Variants in DCUN1D1 observed in about 807,000 individuals in gnomAD.
DCUN1D1 encodes defective in cullin neddylation 1 domain containing 1.
DCUN1D1 carries 3 observed loss-of-function variants against 39.0 expected under a neutral mutation model. The ratio of observed to expected loss-of-function variants is 0.08; its 90% CI spans 0.04 to 0.20. DCUN1D1 has a LOEUF of 0.20. Ranked by LOEUF, DCUN1D1 falls within the 10% of genes least tolerant of loss-of-function variation. The pLI, the probability that DCUN1D1 is intolerant of heterozygous loss-of-function variation, is 1.00. For missense variants in DCUN1D1, 158 were observed against 302.4 expected (o/e 0.52, Z 3.54); for synonymous variants, 82 against 96.3 (o/e 0.85, Z 0.87).
chr3:182,979,498 A>G (rs1245705149), intron 1 of DCUN1D1, among the ~76,000 whole-genome samples: 2 of 152,138 alleles, frequency 1.3e-5, no homozygotes, highest in Non-Finnish European at 2.9e-5. Context: ...ACAATGCCAA[A>G]CAGCGCTTCT....
At chr3:182,983,858 C>T (rs1158103634), upstream of DCUN1D1, among the ~76,000 whole-genome samples, 2 of 152,178 alleles carry the variant, frequency 1.3e-5, no homozygotes, top group Non-Finnish European at 2.9e-5. Flanking sequence ...ACCATCTTCT[C>T]TATGATTGTC....
intron 4 of DCUN1D1, among the ~76,000 whole-genome samples, chr3:182,949,214 T>A (rs1303699826): frequency 6.6e-6 from 1 of 150,660 alleles, no homozygotes; most frequent in Non-Finnish European, 1.5e-5. Context: ...TACAAAAAAA[T>A]TAGCTGGGCG....
intron 4 of DCUN1D1, 64 bp downstream of exon 4, chr3:182,961,162 A>T: frequency 8.7e-7 from 1 of 1,150,604 alleles, no homozygotes; most frequent in Non-Finnish European, 1.2e-6. Flanking sequence ...CTATTACAAA[A>T]ACGACACTGT....
rs11373344 is a variant in DCUN1D1, at chr3:182,959,501, C to CAAAAA, written c.520+1720_520+1724dup. ...CTCCAACTACTATATCTTCAAAAAC[C>CAAAAA]AAAAAAAAAAAAAAAAAAAAAAAAA... On this transcript the variant is annotated intron_variant, in intron 4 of 6. Transcript: ENST00000292782. Among the ~76,000 whole-genome samples, 219 of 81,154 alleles carry CAAAAA rather than the reference C, an allele frequency of 2.7e-3. 4 individuals carry two copies. In the East Asian group the frequency reaches 0.036, roughly 13 times the overall value. The allele number at this position is 81,154 out of a possible 152,430, so 53.2% of individuals were successfully genotyped here.
chr3:182,972,877 G>A (rs781779635), intron 1 of DCUN1D1, among the ~76,000 whole-genome samples: 6 of 152,044 alleles, frequency 3.9e-5, no homozygotes, highest in African/African-American at 9.7e-5. Context: ...ACCCCATCTC[G>A]ACTAAGAATA....
chr3:182,955,675 C>T (rs1727012760), intron 4 of DCUN1D1: 1 of 345,198 alleles, frequency 2.9e-6, no homozygotes, highest in African/African-American at 2.2e-5. Context: ...CCTCCACCTC[C>T]CAAGTTCAAG....
chr3:182,956,381 C>T lies in DCUN1D1; in HGVS notation c.520+4845G>A, dbSNP rs777395980. On this transcript the variant is annotated intron_variant, in intron 4 of 6. Coordinates refer to ENST00000292782, the MANE Select transcript of DCUN1D1 (RefSeq NM_020640.4). Reference sequence around the variant, plus strand: ...GTCTTAATTTACTTAGAAATATCTACGGCTAACACAAAATAACAACAACAA... The same window carrying T: ...GTCTTAATTTACTTAGAAATATCTATGGCTAACACAAAATAACAACAACAA... 6.9e-5 allele frequency: 15 copies of T among 218,352 alleles called. 1 individual carries two copies. The highest frequency in any genetic ancestry group is 1.6e-4 in the South Asian group (2 of 12,302). 13.5% of individuals were successfully genotyped at this position (218,352 alleles called of 1,614,324 possible).
chr3:182,980,115 A>G (rs1488155589), intron 1 of DCUN1D1: 40 of 946,378 alleles, frequency 4.2e-5, no homozygotes, highest in Non-Finnish European at 4.9e-5. Context: ...GACACAATGG[A>G]GCCGGCAGAG....
At position 182,980,498 on chromosome 3, in the gene DCUN1D1, C is replaced by T. The variant is rs750655361; in HGVS notation, c.-9G>A. 7 of 1,239,822 alleles carry T rather than the reference C, an allele frequency of 5.6e-6. No homozygotes were observed. The highest frequency in any genetic ancestry group is 4.8e-5 in the East Asian group (1 of 21,012). The allele number at this position is 1,239,822 out of a possible 1,614,324, so 76.8% of individuals were successfully genotyped here. ...CCGCAGTGCCTCACCATGTTGGTGT[C>T]CTCCAGGCCTCTCCCCTCCTCCTCC... On this transcript the variant is annotated 5_prime_UTR_variant, in exon 1 of 7. Transcript: ENST00000292782.
At chr3:182,979,841 T>C (rs932869954) in intron 1 of DCUN1D1, among the ~76,000 whole-genome samples, 3 of 151,862 alleles carry the variant, frequency 2.0e-5, no homozygotes, top group African/African-American at 7.3e-5. Context: ...GAGGTAAATA[T>C]AACCTCCACC....
chr3:182,945,020 G>C lies in DCUN1D1; in HGVS notation c.*74C>G. ...ATTGATCTTCAGTTCAGTCCAGCCAGCAGAAATTGACTGTGCAATTTTCTG... is the reference window on the plus strand; with the variant it reads ...ATTGATCTTCAGTTCAGTCCAGCCACCAGAAATTGACTGTGCAATTTTCTG... On this transcript the variant is annotated 3_prime_UTR_variant, in exon 7 of 7. Transcript: ENST00000292782. 7.8e-7 allele frequency: 1 copy of C among 1,277,586 alleles called. No homozygotes were observed. The highest frequency in any genetic ancestry group is 1.2e-5 in the South Asian group (1 of 81,482). The allele number at this position is 1,277,586 out of a possible 1,614,324, so 79.1% of individuals were successfully genotyped here. A position where few individuals can be genotyped will look rare whatever the true frequency, so the allele number is the denominator to read the frequency against.
At chr3:182,982,044 A>C (rs1381365787), upstream of DCUN1D1, among the ~76,000 whole-genome samples, 4 of 152,240 alleles carry the variant, frequency 2.6e-5, no homozygotes, top group Admixed American at 2.6e-4. Context: ...GGCGTTAATG[A>C]GGAGGATTCA....
chr3:182,961,200 C>T (rs753785444), intron 4 of DCUN1D1, 26 bp downstream of exon 4: 277 of 1,424,570 alleles, frequency 1.9e-4, no homozygotes, highest in Non-Finnish European at 2.6e-4. Flanking sequence ...TCTGAAACAC[C>T]AAATATAATT....
chr3:182,980,627 G>A, upstream of DCUN1D1: 1 of 1,026,054 alleles, frequency 9.7e-7, no homozygotes, highest in Non-Finnish European at 1.2e-6. Flanking sequence ...GGCCCGAGGA[G>A]GCAGCCCCGG....
chr3:182,983,057 C>T (rs1033744990), upstream of DCUN1D1, among the ~76,000 whole-genome samples: 2 of 152,094 alleles, frequency 1.3e-5, no homozygotes, highest in Non-Finnish European at 2.9e-5. Context: ...TGAATTTGTC[C>T]GTAAAATTCT....
intron 1 of DCUN1D1, among the ~76,000 whole-genome samples, chr3:182,977,549 C>T (rs946553106): frequency 6.6e-6 from 1 of 152,076 alleles, no homozygotes; most frequent in African/African-American, 2.4e-5. Flanking sequence ...GATTCTCCCG[C>T]CTCAGCCTCC....
rs1482030614 is a variant in DCUN1D1 at position 182,947,228 on chromosome 3, T to C, written c.700+10A>G. ...TTAAAAAAAAGTGGTGTGGCAAAAA[T>C]TTTCATTACCTTCTTCATCATAATT... On this transcript the variant is annotated intron_variant, in intron 6 of 6. Transcript: ENST00000292782. The C allele has an allele frequency of 3.2e-6, 5 of 1,562,200 alleles. No homozygotes were observed. The highest frequency in any genetic ancestry group is 4.3e-6 in the Non-Finnish European group (5 of 1,152,980).
At chr3:182,949,324 C>G (rs1726584969) in intron 4 of DCUN1D1, among the ~76,000 whole-genome samples, 2 of 152,156 alleles carry the variant, frequency 1.3e-5, no homozygotes, top group Non-Finnish European at 1.5e-5. Flanking sequence ...GATCATGCCA[C>G]TGCACTCCAG....
At chr3:182,955,324 T>C (rs1482401725) in intron 4 of DCUN1D1, 2 of 546,972 alleles carry the variant, frequency 3.7e-6, no homozygotes, top group Non-Finnish European at 3.7e-6. Flanking sequence ...CTGCAGCTTC[T>C]TCTATGGTTG....
Sources: gnomAD v4.1 joint callset for allele counts (sites outside exome capture counted in the v4.1 genomes callset) on GRCh38, gnomAD v4.1.1 for gene constraint, MANE v1.5 for transcripts, NCBI Gene and HGNC (gene_info 2026-07-23, HGNC 2026-07-21) for gene names.